The following CCDC7 variants were observed in gnomAD, a reference collection of about 807,000 sequenced individuals.
CCDC7 encodes the protein coiled-coil domain containing 7, also known as coiled-coil domain-containing protein 7.
In CCDC7, 183 loss-of-function variants were observed where a neutral mutation model predicts 196.9. That is an observed-to-expected ratio of 0.93 (90% CI 0.82 to 1.05). The LOEUF is 1.05. CCDC7 is among the 50% of genes least tolerant of loss of function. CCDC7 has a pLI of 0.00. For missense variants in CCDC7, 1,540 were observed against 1,482.2 expected (o/e 1.04, Z -0.64); for synonymous variants, 525 against 484.6 (o/e 1.08, Z -1.10).
At chr10:32,693,287 A>G (rs190321721) in intron 23 of CCDC7, among the ~76,000 whole-genome samples, 1 of 152,264 alleles carries the variant, frequency 6.6e-6, no homozygotes, top group East Asian at 1.9e-4. Context: ...AGAGGAGTAT[A>G]TTTTCTTCCC....
intron 29 of CCDC7, among the ~76,000 whole-genome samples, chr10:32,795,652 GATTA>G (rs1386738043): frequency 6.6e-6 from 1 of 152,080 alleles, no homozygotes; most frequent in Non-Finnish European, 1.5e-5. Flanking sequence ...TGCATTTAAG[GATTA>G]ATTATTTATT....
chr10:32,847,553 A>G (rs1379625333), intron 37 of CCDC7, among the ~76,000 whole-genome samples: 1 of 152,130 alleles, frequency 6.6e-6, no homozygotes, highest in Non-Finnish European at 1.5e-5. Flanking sequence ...TATCTCTACA[A>G]AAAATACAAA....
intron 26 of CCDC7, among the ~76,000 whole-genome samples, chr10:32,728,684 T>C (rs1166898058): frequency 6.6e-6 from 1 of 152,206 alleles, no homozygotes; most frequent in African/African-American, 2.4e-5. Context: ...TGGAGACCAA[T>C]ATAAACTTTA....
rs556253283 is a variant in CCDC7 at position 32,870,322 on chromosome 10, T to C, written c.4112-6025T>C. ...TTGAAGAGGTCCTTCACATCCCTTA[T>C]AAGTTGGATTCCTAGGTATTTTATT... On this transcript the variant is annotated intron_variant, in intron 41 of 41. Transcript: ENST00000639629. Among the ~76,000 whole-genome samples the C allele has an allele frequency of 1.1e-4, 16 of 152,302 alleles. No homozygotes were observed. In the East Asian group the frequency reaches 2.9e-3, roughly 28 times the overall value.
At chr10:32,458,781 A>G (rs2034944237) in intron 3 of CCDC7, among the ~76,000 whole-genome samples, 1 of 152,104 alleles carries the variant, frequency 6.6e-6, no homozygotes, top group Admixed American at 6.5e-5. Context: ...CTATTTCTGT[A>G]AAGAATGTCA....
intron 32 of CCDC7, among the ~76,000 whole-genome samples, chr10:32,828,533 A>AGAAGAG (rs2091706800): frequency 6.6e-6 from 1 of 151,018 alleles, no homozygotes. Context: ...AAGAAGAAGA[A>AGAAGAG]GAAGAAGAAG....
At chr10:32,505,965 G>A (rs1470193608) in intron 9 of CCDC7, among the ~76,000 whole-genome samples, 2 of 150,838 alleles carry the variant, frequency 1.3e-5, no homozygotes, top group Admixed American at 6.6e-5. Context: ...GGGCGGCCGG[G>A]CAGAGGCGCT....
chr10:32,453,245 A>G (rs2033546836), intron 1 of CCDC7, 99 bp from the exon 3 acceptor site: 19 of 914,400 alleles, frequency 2.1e-5, no homozygotes, highest in Non-Finnish European at 2.6e-5. Context: ...TCTTACTGGT[A>G]AAAAGGTCCT....
At chr10:32,696,709 G>GT (rs2077776208) in intron 24 of CCDC7, among the ~76,000 whole-genome samples, 1 of 152,104 alleles carries the variant, frequency 6.6e-6, no homozygotes, top group South Asian at 2.1e-4. Flanking sequence ...TTATTGTTGG[G>GT]TAACCAAACC....
chr10:32,517,343 T>C, intron 9 of CCDC7, among the ~76,000 whole-genome samples: 1 of 151,890 alleles, frequency 6.6e-6, no homozygotes, highest in East Asian at 1.9e-4. Context: ...GTCATTTATG[T>C]GAAAAAGAAA....
intron 41 of CCDC7, among the ~76,000 whole-genome samples, chr10:32,868,927 C>T (rs1249619653): frequency 6.6e-6 from 1 of 152,220 alleles, no homozygotes; most frequent in African/African-American, 2.4e-5. Context: ...CATAGTATTC[C>T]ATGGTGTATA....
At chr10:32,505,468 C>T (rs1374236657) in intron 9 of CCDC7, among the ~76,000 whole-genome samples, 2 of 152,064 alleles carry the variant, frequency 1.3e-5, no homozygotes, top group Non-Finnish European at 2.9e-5. Flanking sequence ...GTTGACACAG[C>T]ACATGTTTCA....
rs117034162 is a variant in CCDC7, at chr10:32,681,377, G to T, written c.2123-4593G>T. Among the ~76,000 whole-genome samples, 108 of 152,180 alleles carry T rather than the reference G, an allele frequency of 7.1e-4. 2 individuals are homozygous for T. In the East Asian group the frequency reaches 0.021, roughly 29 times the overall value. ...TCTACCCCACTACTTCACACCATAG[G>T]TGGTCTGGCCAGACGCACTGACTGA... is the stretch of plus-strand genomic sequence containing the variant. On this transcript the variant is annotated intron_variant, in intron 21 of 41. Coordinates refer to ENST00000639629, the Ensembl canonical transcript of CCDC7.
At chr10:32,559,107 G>A (rs1334383219) in intron 13 of CCDC7, among the ~76,000 whole-genome samples, 1 of 152,230 alleles carries the variant, frequency 6.6e-6, no homozygotes, top group Non-Finnish European at 1.5e-5. Context: ...CGGCAGCGAG[G>A]CTGGGGGAGG....
intron 24 of CCDC7, among the ~76,000 whole-genome samples, chr10:32,703,172 T>G (rs1032349348): frequency 6.6e-6 from 1 of 152,146 alleles, no homozygotes; most frequent in African/African-American, 2.4e-5. Context: ...CTTTTCATGT[T>G]TAGTGCTTCC....
intron 8 of CCDC7, among the ~76,000 whole-genome samples, chr10:32,485,298 T>A (rs1267063131): frequency 6.6e-6 from 1 of 152,358 alleles, no homozygotes; most frequent in East Asian, 1.9e-4. Context: ...GTTTATAGTA[T>A]TCTCTGACAG....
intron 29 of CCDC7, among the ~76,000 whole-genome samples, chr10:32,783,497 C>T (rs1041942077): frequency 6.6e-6 from 1 of 152,124 alleles, no homozygotes; most frequent in African/African-American, 2.4e-5. Flanking sequence ...ATTATAAAAA[C>T]AGAAAATAAG....
rs538731758 is a variant in CCDC7 at position 32,664,699 on chromosome 10, G to A, written c.2122+538G>A. ...CTTCCTTTTTTTAAGGGTGATTTTC[G>A]TTATCTATTGATCTGTGGCTGGACA... On this transcript the variant is annotated intron_variant, in intron 21 of 41. Coordinates refer to ENST00000639629, the Ensembl canonical transcript of CCDC7. 1.5e-3 allele frequency among the ~76,000 whole-genome samples: 224 copies of A among 151,826 alleles called. 1 individual carries two copies. The highest frequency in any genetic ancestry group is 5.1e-3 in the African/African-American group (210 of 41,440).
upstream of CCDC7, chr10:32,446,032 C>T (rs1025271732): frequency 8.5e-5 from 13 of 152,354 alleles, no homozygotes; most frequent in Admixed American, 7.2e-4. Flanking sequence ...CCCACAGCCG[C>T]CAAACTGCGT....
Sources: allele counts gnomAD v4.1 joint callset (sites outside exome capture counted in the v4.1 genomes callset), GRCh38; gene constraint gnomAD v4.1.1; transcripts MANE v1.5; gene names NCBI Gene and HGNC (gene_info 2026-07-23, HGNC 2026-07-21).